Variants in IL1RAPL1 observed in about 807,000 individuals in gnomAD.
IL1RAPL1 encodes the protein interleukin 1 receptor accessory protein like 1.
In IL1RAPL1, 3 loss-of-function variants were observed where a neutral mutation model predicts 48.4. The observed-to-expected ratio is 0.06, with a 90% CI of 0.03 to 0.16. The LOEUF is 0.16. Among genes scored for constraint, IL1RAPL1 ranks in the 10% least tolerant of loss-of-function variants. IL1RAPL1 has a pLI of 1.00. For synonymous variants in IL1RAPL1, 185 were observed against 187.7 expected, an observed-to-expected ratio of 0.99 and a Z score of 0.12; for missense variants, 349 against 530.6, an observed-to-expected ratio of 0.66 and a Z score of 3.36.
intron 2 of IL1RAPL1, among the ~76,000 whole-genome samples, chrX:29,170,091 T>G (rs1217538222): frequency 9.0e-6 from 1 of 111,728 alleles, no homozygotes; most frequent in Non-Finnish European, 1.9e-5. Flanking sequence ...AGATTACAAA[T>G]AAGTCAACAA....
At chrX:28,815,839 G>GTATGTATATATA (rs1467095474) in intron 2 of IL1RAPL1, among the ~76,000 whole-genome samples, 8 of 29,097 alleles carry the variant, frequency 2.7e-4, no homozygotes, top group African/African-American at 7.1e-4. Context: ...GTGTGTTTAT[G>GTATGTATATATA]TATATATATA....
At chrX:29,674,269 T>C (rs769262513) in intron 6 of IL1RAPL1, among the ~76,000 whole-genome samples, 1 of 110,998 alleles carries the variant, frequency 9.0e-6, no homozygotes, top group South Asian at 3.9e-4. Flanking sequence ...TCTACAAATA[T>C]ACAAAAATTA....
intron 2 of IL1RAPL1, among the ~76,000 whole-genome samples, chrX:29,051,201 T>C (rs937601587): frequency 8.9e-6 from 1 of 112,179 alleles, no homozygotes; most frequent in African/African-American, 3.2e-5. Flanking sequence ...ACAGTGTCGA[T>C]ATCTTTGCCT....
At chrX:28,762,624 T>C in intron 1 of IL1RAPL1, among the ~76,000 whole-genome samples, 1 of 110,313 alleles carries the variant, frequency 9.1e-6, no homozygotes, top group East Asian at 2.9e-4. Context: ...TTCATGTTTT[T>C]CCATTATTCC....
In IL1RAPL1 at chrX:28,795,309, TAACA is replaced by T. The variant is rs766816659; in HGVS notation, c.82+5891_82+5894del. Among the ~76,000 whole-genome samples, 23 of 111,983 alleles carry T rather than the reference TAACA, an allele frequency of 2.1e-4. No homozygotes were observed. The East Asian group carries it at 6.2e-3, about 30-fold the overall frequency. ...GTCTAATAAAAATGGAACTTGCACC[TAACA>T]AACAAAATAAAATTAGCCAATGTCT... On this transcript the variant is annotated intron_variant, in intron 2 of 10. Coordinates refer to ENST00000378993, the MANE Select transcript of IL1RAPL1 (RefSeq NM_014271.4).
intron 5 of IL1RAPL1, among the ~76,000 whole-genome samples, chrX:29,667,088 G>A (rs1024112957): frequency 8.9e-5 from 10 of 111,973 alleles, no homozygotes; most frequent in Admixed American, 5.7e-4. Flanking sequence ...ATTTCAAAGC[G>A]ATTGATCTCA....
intron 2 of IL1RAPL1, among the ~76,000 whole-genome samples, chrX:28,886,240 T>A (rs1351181101): frequency 1.8e-5 from 2 of 110,008 alleles, no homozygotes; most frequent in Non-Finnish European, 3.8e-5. Context: ...CCTTTTTACA[T>A]TGTTTTTTTT....
rs1474594069 is a variant in IL1RAPL1, at chrX:28,861,894, C to G, written c.82+72469C>G. ...TTTTTTTTTTCCCCTTGACCTAGAT[C>G]ATAGAATAATATACTTAGAGGACAT... is the stretch of plus-strand genomic sequence containing the variant. On this transcript the variant is annotated intron_variant, in intron 2 of 10. Transcript: ENST00000378993. Among the ~76,000 whole-genome samples, 3 of 110,668 alleles carry G rather than the reference C, an allele frequency of 2.7e-5. No homozygotes were observed. The East Asian group carries it at 8.5e-4, about 31-fold the overall frequency.
intron 2 of IL1RAPL1, among the ~76,000 whole-genome samples, chrX:29,123,784 T>A (rs1928845824): frequency 8.9e-6 from 1 of 112,035 alleles, no homozygotes; most frequent in Non-Finnish European, 1.9e-5. Flanking sequence ...GTGTGGCTAG[T>A]AGACTGAGAC....
At chrX:29,418,110 TATATATATATATA>T (rs1235821303) in intron 5 of IL1RAPL1, among the ~76,000 whole-genome samples, 2 of 43,466 alleles carry the variant, frequency 4.6e-5, no homozygotes, top group African/African-American at 1.8e-4. Context: ...TATATATATA[TATATATATATATA>T]TATTTTTTTT....
At chrX:29,097,697 G>A (rs1040978469) in intron 2 of IL1RAPL1, among the ~76,000 whole-genome samples, 1 of 108,070 alleles carries the variant, frequency 9.3e-6, no homozygotes, top group Admixed American at 9.9e-5. Flanking sequence ...CAACTACACT[G>A]AAAAAAAAAT....
chrX:28,717,787 G>A (rs766804505), intron 1 of IL1RAPL1, among the ~76,000 whole-genome samples: 3 of 111,040 alleles, frequency 2.7e-5, no homozygotes, highest in Non-Finnish European at 5.7e-5. Flanking sequence ...TTGAAAGAAG[G>A]TATACGTTTC....
At position 28,873,685 on chromosome X, in the gene IL1RAPL1, C is replaced by CTG. The variant is rs1426867387; in HGVS notation, c.82+84260_82+84261insTG. Among the ~76,000 whole-genome samples the CTG allele has an allele frequency of 3.7e-4, 40 of 107,981 alleles. No individual in the cohort carries two copies. The East Asian group carries it at 8.5e-3, about 23-fold the overall frequency. The allele number at this position is 107,981 out of a possible 115,157, so 93.8% of individuals were successfully genotyped here. On this transcript the variant is annotated intron_variant, in intron 2 of 10. Transcript: ENST00000378993. Reference sequence around the variant, plus strand: ...TAGCTGGGACTACAGGAGCCCGCCACCACAGCCGGCTAATTTTTTGTATTT... The same window carrying CTG: ...TAGCTGGGACTACAGGAGCCCGCCACTGCACAGCCGGCTAATTTTTTGTATTT...
chrX:28,986,974 T>C (rs1925490385), intron 2 of IL1RAPL1, among the ~76,000 whole-genome samples: 1 of 112,216 alleles, frequency 8.9e-6, no homozygotes, highest in Admixed American at 9.5e-5. Flanking sequence ...ATCTTTGAAT[T>C]TTCACTGAGA....
At chrX:29,168,148 T>C (rs896507190) in intron 2 of IL1RAPL1, among the ~76,000 whole-genome samples, 1 of 110,478 alleles carries the variant, frequency 9.1e-6, no homozygotes, top group Non-Finnish European at 1.9e-5. Context: ...TCAGGGTAAT[T>C]ATATACACCA....
intron 6 of IL1RAPL1, among the ~76,000 whole-genome samples, chrX:29,911,380 G>A (rs1183619728): frequency 9.0e-6 from 1 of 111,683 alleles, no homozygotes; most frequent in Non-Finnish European, 1.9e-5. Flanking sequence ...GGTGATAAAA[G>A]TGTCCTAAAA....
intron 2 of IL1RAPL1, among the ~76,000 whole-genome samples, chrX:29,112,975 C>A (rs1928605455): frequency 9.1e-6 from 1 of 109,443 alleles, no homozygotes; most frequent in Non-Finnish European, 1.9e-5. Flanking sequence ...CCATGCCCAG[C>A]TAGTTTTTTG....
intron 1 of IL1RAPL1, among the ~76,000 whole-genome samples, chrX:28,600,777 C>T (rs762723373): frequency 9.0e-6 from 1 of 111,215 alleles, no homozygotes; most frequent in Non-Finnish European, 1.9e-5. Context: ...GTTTTGAATA[C>T]GATGAATTTG....
intron 2 of IL1RAPL1, among the ~76,000 whole-genome samples, chrX:28,861,540 A>G (rs1921943929): frequency 8.9e-6 from 1 of 112,237 alleles, no homozygotes; most frequent in Admixed American, 9.4e-5. Context: ...ACTTCGGTTT[A>G]CAAAGAGAAA....
Sources: gnomAD v4.1 joint callset for allele counts (sites outside exome capture counted in the v4.1 genomes callset) on GRCh38, gnomAD v4.1.1 for gene constraint, MANE v1.5 for transcripts, NCBI Gene and HGNC (gene_info 2026-07-23, HGNC 2026-07-21) for gene names.